Variants in ZBTB7C observed in about 807,000 individuals in gnomAD.
ZBTB7C encodes the protein zinc finger and BTB domain-containing protein 7C.
ZBTB7C carries 8 observed loss-of-function variants against 25.7 expected under a neutral mutation model. The observed-to-expected ratio is 0.31, with a 90% CI of 0.18 to 0.56. The LOEUF (loss-of-function observed/expected upper bound fraction) is 0.56. Ranked by LOEUF, ZBTB7C falls within the 20% of genes least tolerant of loss-of-function variation. ZBTB7C has a pLI of 0.91. For missense variants in ZBTB7C, 824 were observed against 855.2 expected, an observed-to-expected ratio of 0.96 and a Z score of 0.46; for synonymous variants, 394 against 369.0, an observed-to-expected ratio of 1.07 and a Z score of -0.78.
In ZBTB7C at chr18:48,285,968, C is replaced by T. The variant is rs543849753; in HGVS notation, c.-79+52206G>A. Among the ~76,000 whole-genome samples the T allele has an allele frequency of 1.2e-4, 19 of 152,264 alleles. 1 individual carries two copies. Among genetic ancestry groups the T allele is most frequent in the Admixed American group, 5.9e-4 (9 of 15,286 alleles). On this transcript the variant is annotated intron_variant, in intron 2 of 4. Coordinates refer to ENST00000590800, the MANE Select transcript of ZBTB7C (RefSeq NM_001318841.2). The stretch of plus-strand genomic sequence containing the variant: ...GCCCTGCATGACTCCTAGAATAATG[C>T]CATTGGCTTCCCAAACACAGGAAAC...
chr18:48,260,207 A>T (rs892984942), intron 2 of ZBTB7C, among the ~76,000 whole-genome samples: 28 of 152,182 alleles, frequency 1.8e-4, no homozygotes, highest in African/African-American at 6.8e-4. Flanking sequence ...ATTAATCTCA[A>T]AATAACTATG....
At chr18:48,108,723 AT>A (rs918471311) in intron 3 of ZBTB7C, among the ~76,000 whole-genome samples, 3 of 152,236 alleles carry the variant, frequency 2.0e-5, no homozygotes, top group African/African-American at 7.2e-5. Flanking sequence ...GGCATGAGCC[AT>A]TCTGCTTGGC....
chr18:48,372,021 G>A (rs1046191641), intron 1 of ZBTB7C, among the ~76,000 whole-genome samples: 1 of 152,164 alleles, frequency 6.6e-6, no homozygotes, highest in Non-Finnish European at 1.5e-5. Flanking sequence ...GCTCTGCCCA[G>A]GTGCAACCAT....
chr18:48,096,097 C>T (rs942364241), intron 3 of ZBTB7C, among the ~76,000 whole-genome samples: 5 of 152,142 alleles, frequency 3.3e-5, no homozygotes, highest in African/African-American at 1.2e-4. Context: ...TCTGAATACC[C>T]GCCCAGCTCT....
At chr18:48,282,438 A>G (rs970299563) in intron 2 of ZBTB7C, among the ~76,000 whole-genome samples, 2 of 151,858 alleles carry the variant, frequency 1.3e-5, no homozygotes, top group African/African-American at 2.4e-5. Context: ...TTGTGCACAT[A>G]TACCCTAAAA....
At chr18:48,186,783 G>A (rs2042066865) in intron 2 of ZBTB7C, among the ~76,000 whole-genome samples, 1 of 152,182 alleles carries the variant, frequency 6.6e-6, no homozygotes, top group African/African-American at 2.4e-5. Flanking sequence ...AGGAAGTGGG[G>A]AGCTCCTTGG....
intron 3 of ZBTB7C, among the ~76,000 whole-genome samples, chr18:48,174,521 A>G (rs1311662523): frequency 1.3e-5 from 2 of 152,268 alleles, no homozygotes; most frequent in Non-Finnish European, 2.9e-5. Flanking sequence ...GCCTAACAAA[A>G]CTACATCCTC....
intron 3 of ZBTB7C, among the ~76,000 whole-genome samples, chr18:48,100,660 A>G (rs2144608737): frequency 6.6e-6 from 1 of 152,322 alleles, no homozygotes; most frequent in South Asian, 2.1e-4. Context: ...TTAAAACATC[A>G]AAAACTGTTA....
intron 3 of ZBTB7C, chr18:48,150,112 T>C (rs531356507): frequency 6.6e-6 from 1 of 152,062 alleles, no homozygotes; most frequent in South Asian, 2.1e-4. Context: ...CCTGCAAGCA[T>C]AATTTCTTTT....
intron 2 of ZBTB7C, among the ~76,000 whole-genome samples, chr18:48,286,519 TATATTA>T (rs1221437707): frequency 6.6e-6 from 1 of 151,386 alleles, no homozygotes; most frequent in Non-Finnish European, 1.5e-5. Flanking sequence ...ACCAGGAAAA[TATATTA>T]ATATAATAAT....
chr18:48,235,131 C>G (rs2043346638), intron 2 of ZBTB7C, among the ~76,000 whole-genome samples: 1 of 152,122 alleles, frequency 6.6e-6, no homozygotes, highest in African/African-American at 2.4e-5. Context: ...ACCAATCTCT[C>G]TTTTAGCTGG....
intron 3 of ZBTB7C, among the ~76,000 whole-genome samples, chr18:48,140,469 T>C (rs1473425229): frequency 6.6e-6 from 1 of 152,202 alleles, no homozygotes; most frequent in Non-Finnish European, 1.5e-5. Flanking sequence ...TATGATAAAA[T>C]TGGACATCAC....
chr18:48,321,520 A>G (rs1181051426), intron 2 of ZBTB7C, among the ~76,000 whole-genome samples: 1 of 152,208 alleles, frequency 6.6e-6, no homozygotes, highest in East Asian at 1.9e-4. Flanking sequence ...AGGCCAGAAA[A>G]GCCCTGCAGC....
intron 4 of ZBTB7C, among the ~76,000 whole-genome samples, chr18:48,037,927 G>A (rs529274578): frequency 7.9e-5 from 12 of 152,324 alleles, no homozygotes; most frequent in Non-Finnish European, 1.6e-4. Flanking sequence ...CAGGCCCCCC[G>A]TGAAGATGGG....
intron 2 of ZBTB7C, among the ~76,000 whole-genome samples, chr18:48,225,302 G>C (rs1162174288): frequency 1.3e-5 from 2 of 151,660 alleles, no homozygotes; most frequent in Non-Finnish European, 2.9e-5. Flanking sequence ...GGGAGGAAGC[G>C]AAAAGGGAGA....
At chr18:48,194,545 AG>A (rs1231257196) in intron 2 of ZBTB7C, among the ~76,000 whole-genome samples, 1 of 152,158 alleles carries the variant, frequency 6.6e-6, no homozygotes, top group East Asian at 1.9e-4. Flanking sequence ...GAGGGCTCCC[AG>A]GGGCAGCAGA....
In ZBTB7C at chr18:48,029,842, G is replaced by A; in HGVS notation, c.1278C>T (p.Asn426=). 6.2e-7 allele frequency: 1 copy of A among 1,610,620 alleles called. No individual in the cohort carries two copies. Among genetic ancestry groups the A allele is most frequent in the Non-Finnish European group, 8.5e-7 (1 of 1,180,010 alleles). ...GGTCGTAGTTGTGCACGAACTTGGCGTTGCAGTGGATGCACAGGTAGGGCC... is the reference window on the plus strand; with the variant it reads ...GGTCGTAGTTGTGCACGAACTTGGCATTGCAGTGGATGCACAGGTAGGGCC... The part of the protein sequence containing the change: ...GERPYLCIHC[N]AKFVHNYDLK... Residue 426 remains asparagine, a synonymous_variant, in exon 5 of 5, where the codon AAC becomes AAT. Coordinates refer to ENST00000590800, the MANE Select transcript of ZBTB7C (RefSeq NM_001318841.2).
chr18:48,111,900 C>T (rs1169718507), intron 3 of ZBTB7C, among the ~76,000 whole-genome samples: 1 of 152,134 alleles, frequency 6.6e-6, no homozygotes, highest in African/African-American at 2.4e-5. Context: ...TTCCAGCCAG[C>T]AATTCTACTT....
At chr18:48,310,172 G>A (rs988761674) in intron 2 of ZBTB7C, among the ~76,000 whole-genome samples, 2 of 151,760 alleles carry the variant, frequency 1.3e-5, no homozygotes, top group African/African-American at 4.8e-5. Flanking sequence ...GGAACTTGCA[G>A]TGAGCCGAGA....
Sources: allele counts gnomAD v4.1 joint callset (sites outside exome capture counted in the v4.1 genomes callset), GRCh38; gene constraint gnomAD v4.1.1; transcripts MANE v1.5; gene names NCBI Gene and HGNC (gene_info 2026-07-23, HGNC 2026-07-21).